The following KIAA1328 variants were observed in gnomAD, a reference collection of about 807,000 sequenced individuals.
KIAA1328 encodes the protein KIAA1328.
KIAA1328 carries 52 observed loss-of-function variants against 68.1 expected under a neutral mutation model. That is an observed-to-expected ratio of 0.76 (90% CI 0.61 to 0.96). The LOEUF is 0.96. Among genes scored for constraint, KIAA1328 ranks in the 40% least tolerant of loss-of-function variants. KIAA1328 has a pLI of 0.00. For synonymous variants in KIAA1328, 232 were observed against 239.4 expected (o/e 0.97, Z 0.28); for missense variants, 641 against 677.6 (o/e 0.95, Z 0.60).
intron 5 of KIAA1328, among the ~76,000 whole-genome samples, chr18:36,896,784 T>C (rs1341046769): frequency 2.6e-5 from 4 of 152,188 alleles, no homozygotes; most frequent in Admixed American, 2.0e-4. Flanking sequence ...GATTATTGTT[T>C]AGCCTTTTAC....
intron 8 of KIAA1328, among the ~76,000 whole-genome samples, chr18:37,169,499 TTGTGTGTGTGTGTCTGTGTTTGTGTG>T (rs2059457960): frequency 6.6e-6 from 1 of 151,898 alleles, no homozygotes; most frequent in South Asian, 2.1e-4. Flanking sequence ...TATGTTGTTA[TTGTGTGTGTGTGTCTGTGTTTGTGTG>T]TGTGTGTGTG....
In KIAA1328 at chr18:37,223,634, TCATACCACCCAGGGCAGC is replaced by T. The variant is rs1007642855; in HGVS notation, c.*1409_*1426del. The T allele has an allele frequency of 1.0e-6, 1 of 985,262 alleles. No individual in the cohort carries two copies. Among genetic ancestry groups the T allele is most frequent in the African/African-American group, 1.7e-5 (1 of 57,224 alleles). The allele number at this position is 985,262 out of a possible 1,614,324, so 61.0% of individuals were successfully genotyped here. ...ACTTAGTCAGTGTTGGTAGACAAAG[TCATACCACCCAGGGCAGC>T]CTGCATGCAGCGAGTCTGCGTGGCT... On this transcript the variant is annotated 3_prime_UTR_variant, in exon 10 of 10. Transcript: ENST00000280020.
At position 37,173,051 on chromosome 18, in the gene KIAA1328, C is replaced by T; in HGVS notation, c.1493C>T (p.Ala498Val). 3 of 1,613,436 alleles carry T rather than the reference C, an allele frequency of 1.9e-6. No homozygotes were observed. Among genetic ancestry groups the T allele is most frequent in the Non-Finnish European group, 2.5e-6 (3 of 1,179,524 alleles). ...AGCCTAAAGGATTTTGTCACCACAG[C>T]CTCACCATCATTACAGCACACCACC... ...TGSLKDFVTT[A>V]SPSLQHTTSR... The change falls in exon 9 of 10, where the codon GCC (alanine) becomes GTC (valine). Residue 498 changes from alanine to valine, a missense_variant. Coordinates refer to ENST00000280020, the MANE Select transcript of KIAA1328 (RefSeq NM_020776.3).
In KIAA1328 at chr18:36,945,908, A is replaced by G. The variant is rs73947080; in HGVS notation, c.449-13400A>G. 2.6e-3 allele frequency among the ~76,000 whole-genome samples: 390 copies of G among 152,264 alleles called. 3 individuals carry two copies. Among genetic ancestry groups the G allele is most frequent in the African/African-American group, 9.0e-3 (372 of 41,550 alleles). ...ACATGTTGAATATCCTGTATCCAAA[A>G]TTCTTGAGGCCAGAAGTGTTTCAGA... On this transcript the variant is annotated intron_variant, in intron 5 of 9. Coordinates refer to ENST00000280020, the MANE Select transcript of KIAA1328 (RefSeq NM_020776.3).
downstream of KIAA1328, among the ~76,000 whole-genome samples, chr18:37,226,995 G>A (rs1192398439): frequency 1.3e-5 from 2 of 152,274 alleles, no homozygotes; most frequent in South Asian, 2.1e-4. Flanking sequence ...TTGAACTCCC[G>A]ACCTCAGGTG....
intron 4 of KIAA1328, among the ~76,000 whole-genome samples, chr18:36,852,711 A>G (rs1053346872): frequency 6.6e-6 from 1 of 151,950 alleles, no homozygotes; most frequent in Non-Finnish European, 1.5e-5. Context: ...TTTTGTTATC[A>G]TTTCTATGTT....
chr18:37,145,931 C>T (rs1007787150), intron 7 of KIAA1328, among the ~76,000 whole-genome samples: 2 of 152,022 alleles, frequency 1.3e-5, no homozygotes, highest in African/African-American at 4.8e-5. Context: ...AGTGCTTAAT[C>T]CATTTAAATT....
chr18:36,963,429 A>G (rs1406605871), intron 6 of KIAA1328, among the ~76,000 whole-genome samples: 1 of 152,214 alleles, frequency 6.6e-6, no homozygotes, highest in Admixed American at 6.5e-5. Context: ...ACCAGTATTA[A>G]TAGTCTTATC....
At chr18:37,142,240 G>A (rs1301917545) in intron 7 of KIAA1328, among the ~76,000 whole-genome samples, 6 of 151,950 alleles carry the variant, frequency 3.9e-5, no homozygotes, top group East Asian at 1.9e-4. Flanking sequence ...CACCCAGGCC[G>A]GATTGCAGTG....
At chr18:36,905,733 T>C (rs760759464) in intron 5 of KIAA1328, among the ~76,000 whole-genome samples, 2 of 152,190 alleles carry the variant, frequency 1.3e-5, no homozygotes, top group South Asian at 2.1e-4. Flanking sequence ...CTGGAAATTA[T>C]TGGGCAACAT....
chr18:36,969,935 G>A (rs2052110802), intron 6 of KIAA1328, among the ~76,000 whole-genome samples: 1 of 152,092 alleles, frequency 6.6e-6, no homozygotes, highest in Admixed American at 6.6e-5. Context: ...GAAAAAGAGG[G>A]ACTCCTCCCT....
chr18:37,031,003 G>A (rs2054804812), intron 6 of KIAA1328, among the ~76,000 whole-genome samples: 1 of 152,072 alleles, frequency 6.6e-6, no homozygotes. Context: ...CACTACAAAG[G>A]ACATGAACTC....
intron 5 of KIAA1328, among the ~76,000 whole-genome samples, chr18:36,934,461 T>G (rs1314606336): frequency 6.6e-6 from 1 of 152,090 alleles, no homozygotes; most frequent in Non-Finnish European, 1.5e-5. Context: ...CCCTCCCTCC[T>G]CCCTCCACCC....
intron 6 of KIAA1328, among the ~76,000 whole-genome samples, chr18:36,960,487 T>G (rs950792162): frequency 5.3e-5 from 8 of 152,186 alleles, no homozygotes; most frequent in African/African-American, 1.9e-4. Flanking sequence ...GCTCTGAGAA[T>G]GGACAGACTG....
chr18:36,871,162 A>G (rs921611211), intron 4 of KIAA1328, among the ~76,000 whole-genome samples: 4 of 152,178 alleles, frequency 2.6e-5, no homozygotes, highest in African/African-American at 9.7e-5. Flanking sequence ...TTTGAAACCT[A>G]CAGTGCACTG....
At chr18:36,895,519 T>A (rs574024797) in intron 5 of KIAA1328, among the ~76,000 whole-genome samples, 1 of 152,338 alleles carries the variant, frequency 6.6e-6, no homozygotes, top group East Asian at 1.9e-4. Context: ...TCTGTAAGAA[T>A]GAGACAAATA....
intron 9 of KIAA1328, among the ~76,000 whole-genome samples, chr18:37,173,827 G>A (rs1229898304): frequency 1.3e-5 from 2 of 152,086 alleles, no homozygotes; most frequent in African/African-American, 4.8e-5. Flanking sequence ...TTATTATTTT[G>A]GTTTGAGGTA....
intron 1 of KIAA1328, 144 bp from the exon 2 acceptor site, chr18:36,834,175 CT>C: frequency 8.4e-7 from 1 of 1,184,354 alleles, no homozygotes. Flanking sequence ...AATTCAATTA[CT>C]TTGCTTTCTA....
At chr18:37,117,908 A>G (rs753604065) in intron 7 of KIAA1328, among the ~76,000 whole-genome samples, 8 of 151,038 alleles carry the variant, frequency 5.3e-5, no homozygotes, top group Non-Finnish European at 1.0e-4. Context: ...ATATACTAAC[A>G]TATTCATAAC....
Sources: gnomAD v4.1 joint callset for allele counts (sites outside exome capture counted in the v4.1 genomes callset) on GRCh38, gnomAD v4.1.1 for gene constraint, MANE v1.5 for transcripts, NCBI Gene and HGNC (gene_info 2026-07-23, HGNC 2026-07-21) for gene names.